TRAPPC9: variants seen among roughly 807,000 people sequenced by gnomAD.
The protein encoded by TRAPPC9 is IKK2 binding protein.
Under a neutral mutation model 124.0 loss-of-function variants are expected in TRAPPC9, and 83 were observed. The ratio of observed to expected loss-of-function variants is 0.67; its 90% CI spans 0.56 to 0.80. TRAPPC9 has a LOEUF of 0.80. TRAPPC9 is among the 30% of genes least tolerant of loss of function. The pLI is 0.00. For missense variants in TRAPPC9, 1,302 were observed against 1,508.3 expected, an observed-to-expected ratio of 0.86 and a Z score of 2.27; for synonymous variants, 638 against 617.5, an observed-to-expected ratio of 1.03 and a Z score of -0.49.
intron 21 of TRAPPC9, among the ~76,000 whole-genome samples, chr8:139,758,302 C>T (rs959242738): frequency 5.3e-5 from 8 of 152,314 alleles, no homozygotes; most frequent in African/African-American, 1.9e-4. Context: ...ATGGGACTCA[C>T]ACTGAGCATG....
Position 139,907,571 on chromosome 8 carries a change from G to A in TRAPPC9, c.2964+2576C>T, listed in dbSNP as rs1366528530. 6.9e-6 allele frequency among the ~76,000 whole-genome samples: 1 copy of A among 145,970 alleles called. No homozygotes were observed. Among genetic ancestry groups the A allele is most frequent in the Non-Finnish European group, 1.5e-5 (1 of 66,448 alleles). On this transcript the variant is annotated intron_variant, in intron 20 of 22. Transcript: ENST00000438773. This position sits in a 1 kb window ranked among gnomAD's most constrained non-coding sequence, Gnocchi z 4.7. ...AGGAAGGGATGGAGGCAGAGAGGGA[G>A]GGAGGGAGGGAGGGAGGGATGATGT...
intron 15 of TRAPPC9, among the ~76,000 whole-genome samples, chr8:140,254,800 G>A (rs548287599): frequency 6.6e-6 from 1 of 152,336 alleles, no homozygotes; most frequent in South Asian, 2.1e-4. Context: ...ACCAACTATG[G>A]AATCAGTCTA....
Position 140,438,928 on chromosome 8 carries a change from A to G in TRAPPC9, c.730+124T>C, listed in dbSNP as rs190143875. On this transcript the variant is annotated intron_variant, in intron 3 of 22. Transcript: ENST00000438773. The stretch of plus-strand genomic sequence containing the variant: ...GATGGTCTCAATCTCTTGACCTCAT[A>G]TTTGGCCTGCCGTAGCCTCCCAAAG... 9.3e-6 allele frequency: 11 copies of G among 1,177,940 alleles called. No homozygotes were observed. In the African/African-American group the frequency reaches 1.6e-4, roughly 18 times the overall value. The allele number at this position is 1,177,940 out of a possible 1,614,324, so 73.0% of individuals were successfully genotyped here.
chr8:139,776,600 G>A lies in TRAPPC9; in HGVS notation c.3056-44398C>T, dbSNP rs181722238. 1.3e-5 allele frequency among the ~76,000 whole-genome samples: 2 copies of A among 152,226 alleles called. No individual in the cohort carries two copies. The highest frequency in any genetic ancestry group is 1.3e-4 in the Admixed American group (2 of 15,296). ...CAGCTGTGTTCTGAACCTGGACTCCGCCACATGGCTCGGAGCCTCTGGAGC... is the reference window on the plus strand; with the variant it reads ...CAGCTGTGTTCTGAACCTGGACTCCACCACATGGCTCGGAGCCTCTGGAGC... On this transcript the variant is annotated intron_variant, in intron 21 of 22. Coordinates refer to ENST00000438773, the MANE Select transcript of TRAPPC9 (RefSeq NM_001160372.4). This position sits in a 1 kb window ranked among gnomAD's most constrained non-coding sequence, Gnocchi z 4.1.
rs1029565906 is a variant in TRAPPC9, at chr8:140,221,464, C to T, written c.2551G>A (p.Val851Met). The T allele has an allele frequency of 2.0e-5, 32 of 1,613,968 alleles. No homozygotes were observed. The highest frequency in any genetic ancestry group is 4.5e-5 in the East Asian group (2 of 44,896). ...ESNKAGDYSH[V>M]KTLEAVLNFK... ...CGTCTGCCATACCAACTCACCTTCA[C>T]GTGGCTGTAGTCGCCTGCTTTGTTG... Residue 851 changes from valine to methionine, a missense_variant, in exon 17 of 23, where the codon GTG becomes ATG. Val to Met is a conservative substitution (Grantham distance 21). Transcript: ENST00000438773.
Position 140,403,158 on chromosome 8 carries a change from G to A in TRAPPC9, c.1008+2419C>T, listed in dbSNP as rs112504187. ...AGTATTTCTAAGCAGGCCAGGTGCAGTGGCCAACGCCTGTAATCCCAGAAC... is the reference window on the plus strand; with the variant it reads ...AGTATTTCTAAGCAGGCCAGGTGCAATGGCCAACGCCTGTAATCCCAGAAC... On this transcript the variant is annotated intron_variant, in intron 6 of 22. Transcript: ENST00000438773. Among the ~76,000 whole-genome samples, 126 of 152,306 alleles carry A rather than the reference G, an allele frequency of 8.3e-4. 1 individual carries two copies. Among genetic ancestry groups the A allele is most frequent in the African/African-American group, 3.0e-3 (126 of 41,572 alleles).
intron 21 of TRAPPC9, among the ~76,000 whole-genome samples, chr8:139,817,519 C>T (rs945800174): frequency 2.0e-5 from 3 of 152,206 alleles, no homozygotes; most frequent in Non-Finnish European, 2.9e-5. Context: ...GGCCCTCAAT[C>T]GAGCAGCCGC....
chr8:140,007,464 A>G (rs1838833250), intron 18 of TRAPPC9, among the ~76,000 whole-genome samples: 1 of 152,264 alleles, frequency 6.6e-6, no homozygotes. Context: ...TTATTTGTAG[A>G]AAAGTACTTG....
intron 17 of TRAPPC9, among the ~76,000 whole-genome samples, chr8:140,109,912 T>C (rs1487062938): frequency 6.6e-6 from 1 of 152,150 alleles, no homozygotes; most frequent in African/African-American, 2.4e-5. Flanking sequence ...TTTGAAGCCT[T>C]GTAAAAATTA....
At chr8:139,769,742 G>A (rs1820823370) in intron 21 of TRAPPC9, among the ~76,000 whole-genome samples, 1 of 152,222 alleles carries the variant, frequency 6.6e-6, no homozygotes, top group South Asian at 2.1e-4. Context: ...ATAGGTCAGA[G>A]AAAATGAGTG....
chr8:140,195,841 T>C (rs368979415), intron 17 of TRAPPC9, among the ~76,000 whole-genome samples: 1 of 147,954 alleles, frequency 6.8e-6, no homozygotes. Context: ...TGATCCACCA[T>C]ACAGATCACA....
chr8:140,386,572 T>C (rs1453901313), intron 7 of TRAPPC9, among the ~76,000 whole-genome samples: 2 of 152,106 alleles, frequency 1.3e-5, no homozygotes, highest in South Asian at 4.2e-4. Flanking sequence ...CACAATTGCT[T>C]CAAAGAGAAT....
chr8:140,063,195 T>C lies in TRAPPC9; in HGVS notation c.2557-39116A>G, dbSNP rs927555627. ...GACCTCCACCTGGTCTCTCCCTTGATACATGGGGCTTATGGAGATTATAAT... is the reference window on the plus strand; with the variant it reads ...GACCTCCACCTGGTCTCTCCCTTGACACATGGGGCTTATGGAGATTATAAT... On this transcript the variant is annotated intron_variant, in intron 17 of 22. Coordinates refer to ENST00000438773, the MANE Select transcript of TRAPPC9 (RefSeq NM_001160372.4). This position sits in a 1 kb window ranked among gnomAD's most constrained non-coding sequence, Gnocchi z 4.3. 2.0e-5 allele frequency among the ~76,000 whole-genome samples: 3 copies of C among 152,192 alleles called. No homozygotes were observed. The highest frequency in any genetic ancestry group is 7.2e-5 in the African/African-American group (3 of 41,450).
At chr8:140,454,315 TA>T (rs34542082) in intron 1 of TRAPPC9, among the ~76,000 whole-genome samples, 1 of 149,226 alleles carries the variant, frequency 6.7e-6, no homozygotes, top group Non-Finnish European at 1.5e-5. Context: ...AAAAATGATT[TA>T]AAAATAAAAA....
At chr8:140,166,659 TAC>T (rs2061842883) in intron 17 of TRAPPC9, among the ~76,000 whole-genome samples, 1 of 152,222 alleles carries the variant, frequency 6.6e-6, no homozygotes, top group Non-Finnish European at 1.5e-5. Flanking sequence ...GAATTTCAGA[TAC>T]TGAGCTGGGG....
At chr8:140,032,414 C>T (rs546432873) in intron 17 of TRAPPC9, among the ~76,000 whole-genome samples, 1 of 151,252 alleles carries the variant, frequency 6.6e-6, no homozygotes, top group East Asian at 2.0e-4. Context: ...CCTCCCCCCC[C>T]ACCCTCCTCC....
chr8:140,318,727 T>C (rs577919351), intron 9 of TRAPPC9, among the ~76,000 whole-genome samples: 41 of 152,338 alleles, frequency 2.7e-4, no homozygotes, highest in Middle Eastern at 3.4e-3. Context: ...TACAGGTGTA[T>C]AGTATTCCAT....
At chr8:140,384,705 C>T (rs193187230) in intron 7 of TRAPPC9, among the ~76,000 whole-genome samples, 2 of 152,290 alleles carry the variant, frequency 1.3e-5, no homozygotes, top group Admixed American at 1.3e-4. Flanking sequence ...CTTAGACTCC[C>T]ACACAGTAAT....
At chr8:139,987,633 T>A (rs949097261) in intron 19 of TRAPPC9, among the ~76,000 whole-genome samples, 2 of 152,238 alleles carry the variant, frequency 1.3e-5, no homozygotes, top group African/African-American at 4.8e-5. Flanking sequence ...TGATTTTCTG[T>A]ATGTTTGAAG....
Sources: gnomAD v4.1 joint callset for allele counts (sites outside exome capture counted in the v4.1 genomes callset) on GRCh38, gnomAD v4.1.1 for gene constraint, Gnocchi (gnomAD v3.1) non-coding constraint, MANE v1.5 for transcripts, NCBI Gene and HGNC (gene_info 2026-07-23, HGNC 2026-07-21) for gene names.